TMEFF2: variants seen among roughly 807,000 people sequenced by gnomAD.
TMEFF2 encodes tomoregulin-2.
Under a neutral mutation model 53.8 loss-of-function variants are expected in TMEFF2, and 28 were observed. The observed-to-expected ratio is 0.52, with a 90% CI of 0.39 to 0.71. The LOEUF (loss-of-function observed/expected upper bound fraction) is 0.71, where lower values mean the gene tolerates loss of function less well. TMEFF2 is among the 30% of genes least tolerant of loss of function. The pLI, the probability that TMEFF2 is intolerant of heterozygous loss-of-function variation, is 0.00. For synonymous variants in TMEFF2, 162 were observed against 166.3 expected (o/e 0.97, Z 0.20); for missense variants, 353 against 455.2 (o/e 0.78, Z 2.04).
chr2:191,949,257 T>C lies in TMEFF2; in HGVS notation c.*1054A>G, dbSNP rs925036973. 5.1e-6 allele frequency: 5 copies of C among 985,260 alleles called. No homozygotes were observed. The African/African-American group carries it at 8.7e-5, about 17-fold the overall frequency. 61.0% of individuals were successfully genotyped at this position (985,260 alleles called of 1,614,324 possible). ...TCCCAGTGAGGTCTTTCAGATGCTA[T>C]AGGATTAATTTTCTTTCTTACCTCA... is the stretch of plus-strand genomic sequence containing the variant. On this transcript the variant is annotated 3_prime_UTR_variant, in exon 10 of 10. Coordinates refer to ENST00000272771, the MANE Select transcript of TMEFF2 (RefSeq NM_016192.4).
chr2:192,092,236 T>G (rs936795524), intron 4 of TMEFF2, among the ~76,000 whole-genome samples: 2 of 152,210 alleles, frequency 1.3e-5, no homozygotes, highest in East Asian at 3.8e-4. Flanking sequence ...TAAAGTTTTA[T>G]ATTGCTACTC....
chr2:192,162,170 CACTT>C (rs1206884960), intron 4 of TMEFF2, among the ~76,000 whole-genome samples: 3 of 152,102 alleles, frequency 2.0e-5, no homozygotes, highest in Non-Finnish European at 2.9e-5. Context: ...ACTTAGGAGA[CACTT>C]ACCAGAAAAA....
chr2:192,002,870 G>A (rs1028582896), intron 5 of TMEFF2, among the ~76,000 whole-genome samples: 19 of 151,908 alleles, frequency 1.3e-4, no homozygotes, highest in Non-Finnish European at 4.4e-5. Flanking sequence ...ATGAAGCTTG[G>A]GGAAAAGGAA....
chr2:192,145,128 C>G (rs575915846), intron 4 of TMEFF2, among the ~76,000 whole-genome samples: 1 of 151,832 alleles, frequency 6.6e-6, no homozygotes, highest in South Asian at 2.1e-4. Context: ...ACACAAGGAA[C>G]ACTAAATTAT....
intron 4 of TMEFF2, among the ~76,000 whole-genome samples, chr2:192,081,590 G>A (rs2105925932): frequency 6.6e-6 from 1 of 152,152 alleles, no homozygotes; most frequent in South Asian, 2.1e-4. Flanking sequence ...GAGGGTGAGG[G>A]ATGATACAAA....
At chr2:192,000,761 C>CTTAT (rs762817115) in intron 5 of TMEFF2, among the ~76,000 whole-genome samples, 1 of 152,114 alleles carries the variant, frequency 6.6e-6, no homozygotes, top group East Asian at 1.9e-4. Flanking sequence ...AATGAACTTA[C>CTTAT]TTATTTATTT....
At chr2:192,068,755 T>G (rs540674363) in intron 4 of TMEFF2, among the ~76,000 whole-genome samples, 12 of 152,018 alleles carry the variant, frequency 7.9e-5, no homozygotes, top group Middle Eastern at 3.4e-3. Context: ...GTCTAACTTC[T>G]AAGTCGAGGT....
At chr2:191,992,752 GAAAC>G in intron 7 of TMEFF2, 1 of 152,098 alleles carries the variant, frequency 6.6e-6, no homozygotes, top group South Asian at 2.1e-4. Flanking sequence ...GGAAAAATAG[GAAAC>G]AGAAGAAGGA....
intron 4 of TMEFF2, among the ~76,000 whole-genome samples, chr2:192,075,290 TATATATATATATATA>T (rs1559114917): frequency 3.9e-5 from 1 of 25,410 alleles, no homozygotes; most frequent in African/African-American, 2.0e-4. Flanking sequence ...TACTATTATA[TATATATATATATATA>T]TATATATATA....
Position 192,124,717 on chromosome 2 carries a change from C to A in TMEFF2, c.439+54951G>T, listed in dbSNP as rs1689635852. Among the ~76,000 whole-genome samples the A allele has an allele frequency of 2.0e-5, 3 of 152,136 alleles. No individual in the cohort carries two copies. The South Asian group carries it at 6.2e-4, about 32-fold the overall frequency. On this transcript the variant is annotated intron_variant, in intron 4 of 9. Coordinates refer to ENST00000272771, the MANE Select transcript of TMEFF2 (RefSeq NM_016192.4). ...TAGCAGCTAAAAATGGGTTTCCTGG[C>A]TGACACCTGGCAAATGGAGTTTAAA...
rs111733023 is a variant in TMEFF2 at position 192,075,285 on chromosome 2, TTATATATATA to T, written c.440-17520_440-17511del. Among the ~76,000 whole-genome samples the T allele has an allele frequency of 1.5e-3, 97 of 65,746 alleles. 1 individual carries two copies. The highest frequency in any genetic ancestry group is 4.1e-3 in the African/African-American group (66 of 16,176). The allele number at this position is 65,746 out of a possible 152,430, so 43.1% of individuals were successfully genotyped here. A position where few individuals can be genotyped will look rare whatever the true frequency, so the allele number is the denominator to read the frequency against. ...TTATTATACCCAGAGTACAGTACTA[TTATATATATA>T]TATATATATATATATATATATATAT... On this transcript the variant is annotated intron_variant, in intron 4 of 9. Transcript: ENST00000272771.
chr2:191,950,785 A>G (rs1304304299), intron 9 of TMEFF2, among the ~76,000 whole-genome samples: 1 of 152,204 alleles, frequency 6.6e-6, no homozygotes, highest in Non-Finnish European at 1.5e-5. Context: ...AATGAATGTT[A>G]TATTGACTTT....
intron 4 of TMEFF2, among the ~76,000 whole-genome samples, chr2:192,150,692 C>A (rs2105999926): frequency 1.4e-5 from 1 of 71,958 alleles, no homozygotes; most frequent in African/African-American, 4.2e-5. Flanking sequence ...GAGGACACTT[C>A]ATGTTTTTTT....
At chr2:192,040,537 A>G (rs1687448361) in intron 5 of TMEFF2, among the ~76,000 whole-genome samples, 1 of 152,108 alleles carries the variant, frequency 6.6e-6, no homozygotes, top group Non-Finnish European at 1.5e-5. Context: ...GACATGATAG[A>G]TTATCTTCTC....
intron 2 of TMEFF2, among the ~76,000 whole-genome samples, chr2:192,190,506 T>C (rs1691436111): frequency 6.6e-6 from 1 of 152,162 alleles, no homozygotes; most frequent in Admixed American, 6.5e-5. Flanking sequence ...TGGAAGTACA[T>C]AATGGCACTG....
At chr2:192,132,472 T>C (rs1019357958) in intron 4 of TMEFF2, among the ~76,000 whole-genome samples, 7 of 152,030 alleles carry the variant, frequency 4.6e-5, no homozygotes, top group African/African-American at 1.5e-4. Context: ...AATCTGCTCC[T>C]GACATTAAAT....
At chr2:192,141,169 T>C (rs749567030) in intron 4 of TMEFF2, among the ~76,000 whole-genome samples, 5 of 151,970 alleles carry the variant, frequency 3.3e-5, no homozygotes, top group African/African-American at 4.8e-5. Flanking sequence ...TATAAGCATA[T>C]TGGCCAGGCG....
intron 4 of TMEFF2, among the ~76,000 whole-genome samples, chr2:192,073,874 G>A (rs1241760948): frequency 6.6e-6 from 1 of 151,914 alleles, no homozygotes. Context: ...ATTTAAGTCT[G>A]TGAATCTTTT....
intron 7 of TMEFF2, among the ~76,000 whole-genome samples, chr2:191,962,841 C>T (rs1289045356): frequency 2.6e-5 from 4 of 152,134 alleles, no homozygotes; most frequent in Admixed American, 2.0e-4. Flanking sequence ...GATGGCAGAG[C>T]CCTCAGAAGA....
Sources: allele counts gnomAD v4.1 joint callset (sites outside exome capture counted in the v4.1 genomes callset), GRCh38; gene constraint gnomAD v4.1.1; transcripts MANE v1.5; gene names NCBI Gene and HGNC (gene_info 2026-07-23, HGNC 2026-07-21).